RBMS3: variants seen among roughly 807,000 people sequenced by gnomAD.
RBMS3 encodes the protein RNA binding motif single stranded interacting protein 3, also known as RNA-binding motif, single-stranded-interacting protein 3.
In RBMS3, 27 loss-of-function variants were observed where a neutral mutation model predicts 66.8. The ratio of observed to expected loss-of-function variants is 0.40; its 90% CI spans 0.30 to 0.56. The LOEUF is 0.56. RBMS3 is among the 20% of genes least tolerant of loss of function. RBMS3 has a pLI of 0.40. For missense variants in RBMS3, 513 were observed against 549.5 expected (o/e 0.93, Z 0.66); for synonymous variants, 188 against 183.0 (o/e 1.03, Z -0.22).
intron 3 of RBMS3, among the ~76,000 whole-genome samples, chr3:29,566,634 CAA>C (rs11445860): frequency 0.067 from 8,014 of 119,866 alleles, 245 homozygotes; most frequent in East Asian, 0.12. Flanking sequence ...AAGCAAAATG[CAA>C]AAAAAAAAAA....
At chr3:29,651,631 G>C (rs2050147593) in intron 4 of RBMS3, among the ~76,000 whole-genome samples, 1 of 152,084 alleles carries the variant, frequency 6.6e-6, no homozygotes, top group South Asian at 2.1e-4. Context: ...TAGTTTTTAA[G>C]TACTGCCCAT....
intron 4 of RBMS3, among the ~76,000 whole-genome samples, chr3:29,619,269 TA>T (rs71628528): frequency 0.085 from 11,293 of 133,448 alleles, 489 homozygotes; most frequent in Admixed American, 0.14. Context: ...GTATTTTATG[TA>T]AAAAAAAAAA....
intron 2 of RBMS3, among the ~76,000 whole-genome samples, chr3:29,457,817 T>C: frequency 6.9e-6 from 1 of 145,466 alleles, no homozygotes; most frequent in Admixed American, 7.4e-5. Flanking sequence ...TTACCATTTC[T>C]CAATTTGCAC....
chr3:29,840,261 CAT>C (rs2058629130), intron 6 of RBMS3, among the ~76,000 whole-genome samples: 1 of 151,850 alleles, frequency 6.6e-6, no homozygotes, highest in South Asian at 2.1e-4. Context: ...CAACATTTGT[CAT>C]ATTAGAAATT....
At chr3:29,451,897 G>T (rs2042028488) in intron 2 of RBMS3, among the ~76,000 whole-genome samples, 1 of 152,196 alleles carries the variant, frequency 6.6e-6, no homozygotes, top group African/African-American at 2.4e-5. Context: ...AAATCATGGT[G>T]TAACCCACCT....
chr3:29,701,886 G>C lies in RBMS3; in HGVS notation c.400-37834G>C, dbSNP rs59633741. On this transcript the variant is annotated intron_variant, in intron 4 of 14. Coordinates refer to ENST00000383767, the MANE Select transcript of RBMS3 (RefSeq NM_001003793.3). ...GCCCCACCCCCTGCTCCACGGCGCCGCCCGGTCCCATCGACCGCCCAAAGG... is the reference window on the plus strand; with the variant it reads ...GCCCCACCCCCTGCTCCACGGCGCCCCCCGGTCCCATCGACCGCCCAAAGG... 1.4e-4 allele frequency among the ~76,000 whole-genome samples: 21 copies of C among 152,092 alleles called. No homozygotes were observed. The East Asian group carries it at 2.7e-3, about 20-fold the overall frequency.
intron 3 of RBMS3, among the ~76,000 whole-genome samples, chr3:29,489,437 AGAAT>A (rs2043445054): frequency 6.6e-6 from 1 of 152,092 alleles, no homozygotes; most frequent in African/African-American, 2.4e-5. Flanking sequence ...TACAAGACAA[AGAAT>A]AATATGACAT....
chr3:29,509,555 A>T (rs2044319055), intron 3 of RBMS3, among the ~76,000 whole-genome samples: 1 of 152,136 alleles, frequency 6.6e-6, no homozygotes, highest in Admixed American at 6.5e-5. Flanking sequence ...AAGCCTGGGT[A>T]TTTAATGTCT....
chr3:29,810,476 T>TGC lies in RBMS3; in HGVS notation c.637+47487_637+47488insGC, dbSNP rs545454486. ...TTTCAAATGCACATATAAACACACG[T>TGC]ACACATATGCATATGTGTGCATAGA... On this transcript the variant is annotated intron_variant, in intron 6 of 14. Transcript: ENST00000383767. Among the ~76,000 whole-genome samples, 124 of 152,292 alleles carry TGC rather than the reference T, an allele frequency of 8.1e-4. 1 individual carries two copies. Among genetic ancestry groups the TGC allele is most frequent in the African/African-American group, 2.9e-3 (120 of 41,576 alleles).
At chr3:29,741,040 CA>C (rs369719098) in intron 5 of RBMS3, among the ~76,000 whole-genome samples, 271 of 90,854 alleles carry the variant, frequency 3.0e-3, no homozygotes, top group Middle Eastern at 7.4e-3. Context: ...GACTCCATCT[CA>C]AAAAAAAAAA....
At chr3:29,810,282 C>T (rs1156252813) in intron 6 of RBMS3, among the ~76,000 whole-genome samples, 1 of 151,996 alleles carries the variant, frequency 6.6e-6, no homozygotes, top group Non-Finnish European at 1.5e-5. Context: ...TCTACATCTC[C>T]AGTTATAAAT....
chr3:29,790,513 C>G (rs180870236), intron 6 of RBMS3, among the ~76,000 whole-genome samples: 152 of 152,190 alleles, frequency 1.0e-3, no homozygotes, highest in African/African-American at 2.8e-3. Flanking sequence ...ATTAGAATAT[C>G]CTGTCTTGAT....
intron 10 of RBMS3, among the ~76,000 whole-genome samples, chr3:29,923,933 AAT>A (rs1222193597): frequency 1.3e-5 from 2 of 152,228 alleles, no homozygotes; most frequent in Non-Finnish European, 2.9e-5. Flanking sequence ...ATGTAATTAT[AAT>A]AGTTTGGTTT....
At chr3:29,538,135 A>G (rs1247967681) in intron 3 of RBMS3, among the ~76,000 whole-genome samples, 1 of 152,176 alleles carries the variant, frequency 6.6e-6, no homozygotes, top group Non-Finnish European at 1.5e-5. Context: ...AGAAAGCACT[A>G]TAGACTTACA....
At chr3:29,703,294 C>A (rs2052717130) in intron 4 of RBMS3, among the ~76,000 whole-genome samples, 1 of 152,144 alleles carries the variant, frequency 6.6e-6, no homozygotes, top group African/African-American at 2.4e-5. Flanking sequence ...TAGGTATAAA[C>A]CTTTTGCTTG....
chr3:29,894,412 T>C (rs2060075143), intron 8 of RBMS3, among the ~76,000 whole-genome samples: 1 of 151,520 alleles, frequency 6.6e-6, no homozygotes, highest in African/African-American at 2.4e-5. Context: ...AGATGGGGTC[T>C]CACCATGTTG....
At chr3:29,643,421 T>C (rs896641786) in intron 4 of RBMS3, among the ~76,000 whole-genome samples, 15 of 152,242 alleles carry the variant, frequency 9.9e-5, no homozygotes, top group African/African-American at 3.4e-4. Flanking sequence ...GAGTGGTTTC[T>C]TCAGGATTTT....
chr3:29,728,421 G>A (rs996909658), intron 4 of RBMS3, among the ~76,000 whole-genome samples: 10 of 152,070 alleles, frequency 6.6e-5, no homozygotes, highest in South Asian at 2.1e-4. Context: ...GCCGGCAATC[G>A]TGATGAAAGA....
At chr3:29,309,618 C>A (rs1042177528) in intron 1 of RBMS3, among the ~76,000 whole-genome samples, 3 of 148,944 alleles carry the variant, frequency 2.0e-5, no homozygotes, top group Admixed American at 6.7e-5. Context: ...GTGGGGGGGG[C>A]GGTGGTGGCG....
Sources: allele counts gnomAD v4.1 joint callset (sites outside exome capture counted in the v4.1 genomes callset), GRCh38; gene constraint gnomAD v4.1.1; transcripts MANE v1.5; gene names NCBI Gene and HGNC (gene_info 2026-07-23, HGNC 2026-07-21).